The following TENM3 variants were observed in gnomAD, a reference collection of about 807,000 sequenced individuals.
The protein encoded by TENM3 is teneurin-3.
TENM3 carries 63 observed loss-of-function variants against 255.1 expected under a neutral mutation model. The ratio of observed to expected loss-of-function variants is 0.25; its 90% CI spans 0.20 to 0.30. TENM3 has a LOEUF of 0.30. TENM3 is among the 10% of genes least tolerant of loss of function. The pLI is 1.00. For missense variants in TENM3, 2,929 were observed against 3,461.1 expected, an observed-to-expected ratio of 0.85 and a Z score of 3.86; for synonymous variants, 1,306 against 1,322.3, an observed-to-expected ratio of 0.99 and a Z score of 0.27.
the TENM3 span, among the ~76,000 whole-genome samples, chr4:181,697,265 G>T: frequency 6.6e-6 from 1 of 152,136 alleles, no homozygotes; most frequent in Non-Finnish European, 1.5e-5. Flanking sequence ...GAGGGGACAC[G>T]GGTTCTTCCT....
At chr4:181,480,751 G>A in the TENM3 span, among the ~76,000 whole-genome samples, 1 of 149,642 alleles carries the variant, frequency 6.7e-6, no homozygotes, top group Non-Finnish European at 1.5e-5. Context: ...ATATCCAGAT[G>A]AAACTATATA....
chr4:181,654,072 C>G, the TENM3 span, among the ~76,000 whole-genome samples: 2 of 151,822 alleles, frequency 1.3e-5, no homozygotes, highest in African/African-American at 4.8e-5. Flanking sequence ...TCACTGCCAC[C>G]CTCTTTCAAT....
chr4:181,501,658 G>A, the TENM3 span, among the ~76,000 whole-genome samples: 3 of 152,098 alleles, frequency 2.0e-5, no homozygotes, highest in Non-Finnish European at 4.4e-5. Context: ...GATTACAGGC[G>A]TGAGCCAACA....
intron 12 of TENM3, among the ~76,000 whole-genome samples, chr4:182,703,616 T>C (rs969659429): frequency 1.3e-5 from 2 of 152,308 alleles, no homozygotes; most frequent in South Asian, 4.1e-4. Context: ...TACAGCAAAA[T>C]TACTTTCTAT....
the TENM3 span, among the ~76,000 whole-genome samples, chr4:181,941,626 A>G: frequency 1.3e-5 from 2 of 152,138 alleles, no homozygotes; most frequent in Non-Finnish European, 2.9e-5. Context: ...CATTATGTCA[A>G]TGACTTCAGA....
chr4:181,532,380 T>C, the TENM3 span, among the ~76,000 whole-genome samples: 1 of 152,000 alleles, frequency 6.6e-6, no homozygotes, highest in Non-Finnish European at 1.5e-5. Context: ...AGGTAAAAAA[T>C]AAGGAGGGGT....
chr4:182,355,817 A>G (rs538169225), intron 3 of TENM3, among the ~76,000 whole-genome samples: 3 of 152,066 alleles, frequency 2.0e-5, no homozygotes, highest in Admixed American at 1.3e-4. Context: ...TATTTTGTCT[A>G]TGGTAAAGTT....
the TENM3 span, among the ~76,000 whole-genome samples, chr4:181,525,902 G>A: frequency 6.6e-6 from 1 of 151,790 alleles, no homozygotes; most frequent in African/African-American, 2.4e-5. Context: ...AGCCTGCTAA[G>A]GAAATGTCAG....
the TENM3 span, among the ~76,000 whole-genome samples, chr4:181,518,488 C>T: frequency 2.0e-5 from 3 of 152,088 alleles, no homozygotes; most frequent in Admixed American, 6.5e-5. Context: ...AGTGCAGTGG[C>T]GTGATCTCGG....
chr4:181,852,829 C>A, the TENM3 span, among the ~76,000 whole-genome samples: 5 of 152,192 alleles, frequency 3.3e-5, no homozygotes, highest in South Asian at 1.0e-3. Context: ...GGAGGATGAG[C>A]AACACCTTAA....
At chr4:182,757,391 G>A (rs867348677) in intron 22 of TENM3, among the ~76,000 whole-genome samples, 6 of 151,918 alleles carry the variant, frequency 3.9e-5, no homozygotes, top group Non-Finnish European at 7.4e-5. Context: ...GTTGAAAGTG[G>A]GGGAAACATA....
the TENM3 span, among the ~76,000 whole-genome samples, chr4:181,861,475 T>C: frequency 6.6e-6 from 1 of 152,264 alleles, no homozygotes; most frequent in African/African-American, 2.4e-5. Context: ...CCTGAAATAT[T>C]CATTATGTGG....
intron 12 of TENM3, among the ~76,000 whole-genome samples, chr4:182,712,831 C>T (rs954776684): frequency 3.3e-5 from 5 of 152,322 alleles, no homozygotes; most frequent in South Asian, 4.1e-4. Flanking sequence ...ATTGCTATAG[C>T]AAGTATTTTT....
At chr4:182,751,292 T>G (rs1339366852) in intron 19 of TENM3, among the ~76,000 whole-genome samples, 1 of 151,932 alleles carries the variant, frequency 6.6e-6, no homozygotes, top group Non-Finnish European at 1.5e-5. Flanking sequence ...CCAAGACAGA[T>G]ACAGTGGTAC....
At chr4:181,739,815 G>A in the TENM3 span, among the ~76,000 whole-genome samples, 3 of 152,116 alleles carry the variant, frequency 2.0e-5, no homozygotes, top group Admixed American at 6.5e-5. Context: ...ATAAAAATTA[G>A]CATTTTTAAC....
At chr4:182,166,047 G>T (rs960813116) in intron 1 of TENM3, among the ~76,000 whole-genome samples, 10 of 152,136 alleles carry the variant, frequency 6.6e-5, no homozygotes, top group Admixed American at 3.3e-4. Context: ...CAAAGTGCTG[G>T]GATTACAGGC....
the TENM3 span, among the ~76,000 whole-genome samples, chr4:181,673,380 T>A: frequency 6.6e-6 from 1 of 152,310 alleles, no homozygotes; most frequent in South Asian, 2.1e-4. Flanking sequence ...AAATCCTGCC[T>A]TTGATTAAAA....
intron 3 of TENM3, among the ~76,000 whole-genome samples, chr4:182,480,647 T>C (rs142372208): frequency 6.8e-4 from 103 of 152,202 alleles, no homozygotes; most frequent in African/African-American, 1.8e-3. Flanking sequence ...TGGAACTCTG[T>C]ATCTTTGAAA....
At chr4:181,933,410 G>A in the TENM3 span, among the ~76,000 whole-genome samples, 16 of 152,152 alleles carry the variant, frequency 1.1e-4, no homozygotes, top group African/African-American at 3.9e-4. Context: ...GAATAAACTA[G>A]GTCCATTACA....
Sources: gnomAD v4.1 joint callset for allele counts (sites outside exome capture counted in the v4.1 genomes callset) on GRCh38, gnomAD v4.1.1 for gene constraint, MANE v1.5 for transcripts, NCBI Gene and HGNC (gene_info 2026-07-23, HGNC 2026-07-21) for gene names.